The following PSD3 variants were observed in gnomAD, a reference collection of about 807,000 sequenced individuals.
PSD3 encodes pleckstrin and Sec7 domain containing 3.
PSD3 carries 49 observed loss-of-function variants against 105.5 expected under a neutral mutation model. The ratio of observed to expected loss-of-function variants is 0.46; its 90% CI spans 0.37 to 0.59. The LOEUF is 0.59. PSD3 is among the 20% of genes least tolerant of loss of function. PSD3 has a pLI of 0.00. For missense variants in PSD3, 1,561 were observed against 1,263.8 expected (o/e 1.24, Z -3.57); for synonymous variants, 557 against 457.8 (o/e 1.22, Z -2.77).
chr8:18,798,673 C>T (rs553209348), intron 8 of PSD3, among the ~76,000 whole-genome samples: 1 of 149,884 alleles, frequency 6.7e-6, no homozygotes, highest in Non-Finnish European at 1.5e-5. Flanking sequence ...TTACTTAGAG[C>T]AAAAATTACT....
intron 1 of PSD3, among the ~76,000 whole-genome samples, chr8:19,075,486 A>G (rs760869341): frequency 6.6e-6 from 1 of 152,208 alleles, no homozygotes; most frequent in Non-Finnish European, 1.5e-5. Flanking sequence ...TTCTTTCCTA[A>G]TGAATTATGA....
rs149875910 is a variant in PSD3 at position 18,882,676 on chromosome 8, C to A, written c.131-9943G>T. Among the ~76,000 whole-genome samples the A allele has an allele frequency of 2.2e-3, 333 of 152,096 alleles. 1 individual carries two copies. The highest frequency in any genetic ancestry group is 7.7e-3 in the African/African-American group (321 of 41,476). ...AACACTGTGTTGTCCAATTTGGTAG[C>A]CATATCCACAGAAGCCTATTTACAT... is the stretch of plus-strand genomic sequence containing the variant. On this transcript the variant is annotated intron_variant, in intron 2 of 15. Transcript: ENST00000327040.
chr8:18,912,367 G>A (rs1396773908), intron 2 of PSD3, among the ~76,000 whole-genome samples: 1 of 152,166 alleles, frequency 6.6e-6, no homozygotes, highest in Non-Finnish European at 1.5e-5. Flanking sequence ...ACTGAAAAGT[G>A]TTGCAGGTTC....
At chr8:18,735,844 C>T (rs1273693403) in intron 9 of PSD3, among the ~76,000 whole-genome samples, 1 of 152,084 alleles carries the variant, frequency 6.6e-6, no homozygotes, top group African/African-American at 2.4e-5. Context: ...AACTAAGAAA[C>T]ACGCACCTGA....
chr8:18,727,939 T>C (rs990918436), intron 9 of PSD3, among the ~76,000 whole-genome samples: 12 of 152,168 alleles, frequency 7.9e-5, no homozygotes, highest in African/African-American at 2.9e-4. Context: ...CCATTTAGTC[T>C]ATTAGAACAC....
In PSD3 at chr8:18,907,452, G is replaced by C. The variant is rs572952869; in HGVS notation, c.130+28582C>G. 5.2e-4 allele frequency among the ~76,000 whole-genome samples: 79 copies of C among 152,200 alleles called. 1 individual carries two copies. In the South Asian group the frequency reaches 0.016, roughly 30 times the overall value. On this transcript the variant is annotated intron_variant, in intron 2 of 15. Transcript: ENST00000327040. ...AGCCTCCCAAAGTTCTCAGATTACA[G>C]GCATGAACCACTGCACCTGGCCTTT...
At chr8:18,795,738 T>C (rs1001294020) in intron 8 of PSD3, among the ~76,000 whole-genome samples, 2 of 152,174 alleles carry the variant, frequency 1.3e-5, no homozygotes, top group African/African-American at 2.4e-5. Context: ...GCAAGCTAGT[T>C]AGTGGTAGGA....
intron 12 of PSD3, among the ~76,000 whole-genome samples, chr8:18,586,502 T>C (rs1192063277): frequency 1.3e-5 from 2 of 152,124 alleles, no homozygotes; most frequent in Non-Finnish European, 2.9e-5. Flanking sequence ...GATGAGCAAC[T>C]AATAATGAAA....
chr8:18,962,988 T>C (rs1824015358), intron 1 of PSD3, among the ~76,000 whole-genome samples: 1 of 152,284 alleles, frequency 6.6e-6, no homozygotes, highest in South Asian at 2.1e-4. Flanking sequence ...AAGACATACC[T>C]GAGACTGGGG....
At chr8:18,575,635 T>C (rs1026878016) in intron 12 of PSD3, among the ~76,000 whole-genome samples, 7 of 152,150 alleles carry the variant, frequency 4.6e-5, no homozygotes, top group Admixed American at 3.9e-4. Context: ...CTTGGACCAA[T>C]AGTGTGATTT....
At chr8:18,592,890 C>T (rs894717949) in intron 12 of PSD3, among the ~76,000 whole-genome samples, 1 of 152,048 alleles carries the variant, frequency 6.6e-6, no homozygotes, top group Non-Finnish European at 1.5e-5. Flanking sequence ...CCCTATTTAA[C>T]AAATGGTGCT....
chr8:19,033,655 C>T (rs1204588692), intron 1 of PSD3, among the ~76,000 whole-genome samples: 3 of 151,652 alleles, frequency 2.0e-5, no homozygotes, highest in Non-Finnish European at 2.9e-5. Context: ...GGCTCTCTCT[C>T]AGCTTTGCTT....
intron 1 of PSD3, among the ~76,000 whole-genome samples, chr8:19,075,698 C>T (rs1829444229): frequency 6.6e-6 from 1 of 152,184 alleles, no homozygotes; most frequent in African/African-American, 2.4e-5. Flanking sequence ...GTAATTACCC[C>T]ATTGTAGGCT....
At chr8:18,960,176 T>C (rs1456135945) in intron 1 of PSD3, among the ~76,000 whole-genome samples, 2 of 152,214 alleles carry the variant, frequency 1.3e-5, no homozygotes, top group Non-Finnish European at 2.9e-5. Flanking sequence ...GCTCTCTGAA[T>C]TCTCATCATT....
At chr8:19,034,888 C>T (rs780650514) in intron 1 of PSD3, among the ~76,000 whole-genome samples, 1 of 152,156 alleles carries the variant, frequency 6.6e-6, no homozygotes, top group South Asian at 2.1e-4. Flanking sequence ...CCTGCCCTCC[C>T]TCTGCATCCC....
At chr8:18,893,135 C>A (rs1818919582) in intron 2 of PSD3, among the ~76,000 whole-genome samples, 2 of 152,112 alleles carry the variant, frequency 1.3e-5, no homozygotes, top group Admixed American at 1.3e-4. Flanking sequence ...GTTGCATGTA[C>A]TGGGCAAGAA....
At chr8:18,803,058 G>C (rs1005172186) in intron 6 of PSD3, 11 of 157,498 alleles carry the variant, frequency 7.0e-5, no homozygotes, top group African/African-American at 2.7e-4. Context: ...GGCTGAGGCG[G>C]GTGGACTGCC....
intron 4 of PSD3, among the ~76,000 whole-genome samples, chr8:18,818,211 T>C (rs1812387359): frequency 6.6e-6 from 1 of 152,170 alleles, no homozygotes; most frequent in African/African-American, 2.4e-5. Context: ...CGCCTCGGCC[T>C]CCCAAAGTGC....
intron 15 of PSD3, among the ~76,000 whole-genome samples, chr8:18,536,848 A>T (rs1292260523): frequency 1.3e-5 from 2 of 152,132 alleles, no homozygotes; most frequent in Admixed American, 6.5e-5. Context: ...AATTTGACAC[A>T]TTCTGGTAAA....
Sources: allele counts gnomAD v4.1 joint callset (sites outside exome capture counted in the v4.1 genomes callset), GRCh38; gene constraint gnomAD v4.1.1; transcripts MANE v1.5; gene names NCBI Gene and HGNC (gene_info 2026-07-23, HGNC 2026-07-21).